The following KLHL4 variants were observed in gnomAD, a reference collection of about 807,000 sequenced individuals.
KLHL4 encodes the protein kelch like family member 4.
In KLHL4, 17 loss-of-function variants were observed where a neutral mutation model predicts 45.8. That is an observed-to-expected ratio of 0.37 (90% CI 0.25 to 0.56). The LOEUF (loss-of-function observed/expected upper bound fraction) is 0.56. Among genes scored for constraint, KLHL4 ranks in the 20% least tolerant of loss-of-function variants. The pLI is 0.79. For synonymous variants in KLHL4, 224 were observed against 189.9 expected (o/e 1.18, Z -1.47); for missense variants, 544 against 544.9 (o/e 1.00, Z 0.02).
chrX:87,524,250 A>AT (rs1237119254), intron 1 of KLHL4, among the ~76,000 whole-genome samples: 1 of 111,291 alleles, frequency 9.0e-6, no homozygotes, highest in Non-Finnish European at 1.9e-5. Flanking sequence ...AATTGCTAAA[A>AT]TTTTTTACAT....
chrX:87,613,374 C>T (rs1025011136), intron 1 of KLHL4, among the ~76,000 whole-genome samples: 2 of 111,620 alleles, frequency 1.8e-5, no homozygotes, highest in African/African-American at 6.5e-5. Context: ...TGTCCAGTTT[C>T]TTAATGGGAT....
At chrX:87,543,790 C>A (rs1931615898) in intron 1 of KLHL4, among the ~76,000 whole-genome samples, 1 of 111,288 alleles carries the variant, frequency 9.0e-6, no homozygotes, top group Non-Finnish European at 1.9e-5. Context: ...ATAAGGACTG[C>A]AACTCATAGG....
chrX:87,598,683 ATT>A (rs1255240855), intron 1 of KLHL4, among the ~76,000 whole-genome samples: 1 of 111,693 alleles, frequency 9.0e-6, no homozygotes, highest in African/African-American at 3.2e-5. Flanking sequence ...AAAATAATAG[ATT>A]TTTTGAGAAC....
Position 87,667,137 on chromosome X carries a change from T to C in KLHL4, c.*603T>C. On this transcript the variant is annotated 3_prime_UTR_variant, in exon 11 of 11. Transcript: ENST00000373119. ...AAAACTTGTTATGTTGATCGCGGTA[T>C]GTCAAAATTTTTACAGGTTTGCTCA... 1 of 751,298 alleles carries C rather than the reference T, an allele frequency of 1.3e-6. No homozygotes were observed. The highest frequency in any genetic ancestry group is 8.9e-5 in the Admixed American group (1 of 11,225). 61.9% of individuals were successfully genotyped at this position (751,298 alleles called of 1,213,427 possible).
intron 9 of KLHL4, among the ~76,000 whole-genome samples, chrX:87,654,519 G>A (rs1034462427): frequency 9.0e-6 from 1 of 111,133 alleles, no homozygotes; most frequent in African/African-American, 3.3e-5. Flanking sequence ...GTTTGTGTGT[G>A]TATAATAATT....
intron 1 of KLHL4, among the ~76,000 whole-genome samples, chrX:87,552,402 C>G (rs905829662): frequency 9.1e-6 from 1 of 110,453 alleles, no homozygotes; most frequent in East Asian, 2.8e-4. Flanking sequence ...ATAAAAACAG[C>G]AGATGTTGGC....
At chrX:87,634,288 G>T (rs1395280087) in intron 8 of KLHL4, among the ~76,000 whole-genome samples, 4 of 111,135 alleles carry the variant, frequency 3.6e-5, no homozygotes, top group Admixed American at 9.6e-5. Context: ...TCTGTCTATG[G>T]ATATAACAAG....
chrX:87,584,915 C>T (rs1172559064), intron 1 of KLHL4, among the ~76,000 whole-genome samples: 6 of 107,367 alleles, frequency 5.6e-5, no homozygotes, highest in African/African-American at 2.0e-4. Context: ...AAATGACGAC[C>T]TCAAGCCATT....
At chrX:87,541,492 CAAAAA>C (rs34665491) in intron 1 of KLHL4, among the ~76,000 whole-genome samples, 1 of 44,404 alleles carries the variant, frequency 2.3e-5, no homozygotes, top group Non-Finnish European at 3.7e-5. Context: ...CTCCATCTCA[CAAAAA>C]AAAAAAAAAA....
At chrX:87,538,494 AGTG>A (rs1931481187) in intron 1 of KLHL4, among the ~76,000 whole-genome samples, 1 of 111,691 alleles carries the variant, frequency 9.0e-6, no homozygotes, top group South Asian at 3.7e-4. Context: ...CCTTGGAAAA[AGTG>A]GTAATTAATT....
intron 1 of KLHL4, among the ~76,000 whole-genome samples, chrX:87,547,821 A>AAAAC (rs899645730): frequency 3.6e-5 from 4 of 111,491 alleles, no homozygotes; most frequent in East Asian, 5.7e-4. Context: ...ACTCCATCTA[A>AAAAC]AAACAAACAA....
At chrX:87,562,659 C>T (rs1413651563) in intron 1 of KLHL4, among the ~76,000 whole-genome samples, 1 of 111,057 alleles carries the variant, frequency 9.0e-6, no homozygotes, top group African/African-American at 3.3e-5. Flanking sequence ...CACGTGCCAT[C>T]TCTAGACACA....
At chrX:87,543,455 G>A (rs1312615810) in intron 1 of KLHL4, among the ~76,000 whole-genome samples, 1 of 111,407 alleles carries the variant, frequency 9.0e-6, no homozygotes, top group Non-Finnish European at 1.9e-5. Flanking sequence ...AAGAGGCACT[G>A]AAGGCATGGA....
intron 1 of KLHL4, among the ~76,000 whole-genome samples, chrX:87,560,348 A>C (rs1010801080): frequency 3.6e-5 from 4 of 112,263 alleles, no homozygotes; most frequent in African/African-American, 1.3e-4. Flanking sequence ...TTGTTAAGAC[A>C]CAAATAGCTG....
intron 9 of KLHL4, among the ~76,000 whole-genome samples, chrX:87,654,647 T>G (rs1923928937): frequency 8.9e-6 from 1 of 111,837 alleles, no homozygotes; most frequent in Admixed American, 9.5e-5. Context: ...GTATTTTCCT[T>G]CAGGTAGATA....
intron 1 of KLHL4, among the ~76,000 whole-genome samples, chrX:87,604,422 T>G (rs1443858161): frequency 2.7e-5 from 3 of 111,441 alleles, no homozygotes; most frequent in Non-Finnish European, 5.7e-5. Context: ...ACCAAGACTT[T>G]TCTTTTTTTC....
At chrX:87,659,159 G>A (rs778434340) in intron 9 of KLHL4, among the ~76,000 whole-genome samples, 7 of 75,644 alleles carry the variant, frequency 9.3e-5, no homozygotes, top group East Asian at 4.5e-4. Flanking sequence ...TCACTCTGTC[G>A]CCCAGGCTGG....
At position 87,635,683 on chromosome X, in the gene KLHL4, A is replaced by T. The variant is rs1255516533; in HGVS notation, c.1833A>T (p.Gly611=). 4.1e-6 allele frequency: 5 copies of T among 1,209,816 alleles called. No individual in the cohort carries two copies. Among genetic ancestry groups the T allele is most frequent in the Non-Finnish European group, 5.6e-6 (5 of 893,573 alleles). Residue 611 remains glycine (G), a synonymous_variant, in exon 9 of 11, where the codon GGA becomes GGT. Transcript: ENST00000373119. The stretch of plus-strand genomic sequence containing the variant: ...TGTCCAAAAGACGTGGAGGTGTGGG[A>T]GTTGCCACATACAATGGATTCTTAT... ...APMSKRRGGV[G]VATYNGFLYV...
chrX:87,517,989 T>A lies in KLHL4; in HGVS notation c.96T>A (p.Thr32=). Residue 32 remains threonine (T), a synonymous_variant, in exon 1 of 11, where the codon ACT becomes ACA. Transcript: ENST00000373119. ...ATCCTTTTCAAGGTTCCACCAACAC[T>A]GGAAGCTGTCTTCAGCAGGAAGGAT... ...FSHPFQGSTN[T]GSCLQQEGYE... 1 of 1,211,331 alleles carries A rather than the reference T, an allele frequency of 8.3e-7. No homozygotes were observed. The highest frequency in any genetic ancestry group is 1.1e-6 in the Non-Finnish European group (1 of 895,355).
Sources: gnomAD v4.1 joint callset for allele counts (sites outside exome capture counted in the v4.1 genomes callset) on GRCh38, gnomAD v4.1.1 for gene constraint, MANE v1.5 for transcripts, NCBI Gene and HGNC (gene_info 2026-07-23, HGNC 2026-07-21) for gene names.